Variants in OXSR1 observed in about 807,000 individuals in gnomAD.
The protein encoded by OXSR1 is serine/threonine-protein kinase OSR1.
Under a neutral mutation model 79.8 loss-of-function variants are expected in OXSR1, and 24 were observed. That is an observed-to-expected ratio of 0.30 (90% CI 0.22 to 0.42). The LOEUF is 0.42. Among genes scored for constraint, OXSR1 ranks in the 10% least tolerant of loss-of-function variants. The pLI is 1.00. For synonymous variants in OXSR1, 226 were observed against 209.2 expected, an observed-to-expected ratio of 1.08 and a Z score of -0.69; for missense variants, 430 against 618.4, an observed-to-expected ratio of 0.70 and a Z score of 3.23.
chr3:38,219,176 C>T (rs1422221689), intron 5 of OXSR1, among the ~76,000 whole-genome samples: 4 of 152,056 alleles, frequency 2.6e-5, no homozygotes, highest in African/African-American at 9.7e-5. Flanking sequence ...GGTATTATCA[C>T]TTACATTCCT....
intron 2 of OXSR1, among the ~76,000 whole-genome samples, chr3:38,186,245 T>A (rs767427009): frequency 6.6e-6 from 1 of 152,206 alleles, no homozygotes; most frequent in Non-Finnish European, 1.5e-5. Flanking sequence ...TTGAAGATTT[T>A]TTTTTTAAAG....
intron 3 of OXSR1, chr3:38,193,561 C>T (rs765807944): frequency 2.4e-6 from 1 of 421,772 alleles, no homozygotes; most frequent in South Asian, 2.0e-5. Flanking sequence ...TTAATTCTCT[C>T]GTCCATATCT....
At position 38,254,125 on chromosome 3, in the gene OXSR1, A is replaced by G. The variant is rs1377727140; in HGVS notation, c.*1234A>G. The G allele has an allele frequency of 5.0e-6, 2 of 398,526 alleles. No individual in the cohort carries two copies. The highest frequency in any genetic ancestry group is 3.6e-5 in the East Asian group (1 of 28,082). 24.7% of individuals were successfully genotyped at this position (398,526 alleles called of 1,614,324 possible). A position where few individuals can be genotyped will look rare whatever the true frequency, so the allele number is the denominator to read the frequency against. On this transcript the variant is annotated 3_prime_UTR_variant, in exon 18 of 18. Transcript: ENST00000311806. Reference sequence around the variant, plus strand: ...TCTTTGTCTAACTGCTAGTAACCCTACCGAGTTTTATATATGAGTGGGATA... The same window carrying G: ...TCTTTGTCTAACTGCTAGTAACCCTGCCGAGTTTTATATATGAGTGGGATA...
intron 10 of OXSR1, among the ~76,000 whole-genome samples, chr3:38,230,901 C>T (rs1255755924): frequency 6.6e-6 from 1 of 152,178 alleles, no homozygotes; most frequent in Non-Finnish European, 1.5e-5. Context: ...ATATATTAAT[C>T]TTCCTGTCCA....
intron 8 of OXSR1, among the ~76,000 whole-genome samples, chr3:38,227,057 CT>C (rs1315121908): frequency 1.3e-5 from 2 of 152,154 alleles, no homozygotes; most frequent in Non-Finnish European, 2.9e-5. Flanking sequence ...TATTATAAAA[CT>C]TTAAGAAAAC....
chr3:38,228,736 A>G (rs1246616954), intron 8 of OXSR1, among the ~76,000 whole-genome samples: 2 of 152,124 alleles, frequency 1.3e-5, no homozygotes, highest in South Asian at 4.2e-4. Flanking sequence ...ATGCCCTGCT[A>G]ATTTTTGTGG....
In OXSR1 at chr3:38,230,351, C is replaced by A; in HGVS notation, c.886-14C>A. ...AAAACTTGTAAGAACAAAATACTTA[C>A]TTTTCCTCTCCAGAATAAAGAATTT... On this transcript the variant is annotated splice_polypyrimidine_tract_variant and intron_variant, in intron 9 of 17. Coordinates refer to ENST00000311806, the MANE Select transcript of OXSR1 (RefSeq NM_005109.3). 1 of 1,550,700 alleles carries A rather than the reference C, an allele frequency of 6.4e-7. No homozygotes were observed.
At position 38,253,020 on chromosome 3, in the gene OXSR1, T is replaced by C; in HGVS notation, c.*129T>C. 1.5e-6 allele frequency: 1 copy of C among 671,300 alleles called. No individual in the cohort carries two copies. Among genetic ancestry groups the C allele is most frequent in the Middle Eastern group, 2.6e-4 (1 of 3,802 alleles). 41.6% of individuals were successfully genotyped at this position (671,300 alleles called of 1,614,324 possible). A position where few individuals can be genotyped will look rare whatever the true frequency, so the allele number is the denominator to read the frequency against. The stretch of plus-strand genomic sequence containing the variant: ...CTCCCGGCTAGGAGCTTTAGAAGTC[T>C]TTATGTTCTTCCTGCCATCATTCCT... On this transcript the variant is annotated 3_prime_UTR_variant, in exon 18 of 18. Coordinates refer to ENST00000311806, the MANE Select transcript of OXSR1 (RefSeq NM_005109.3).
At chr3:38,191,293 TG>T (rs1318173098) in intron 3 of OXSR1, among the ~76,000 whole-genome samples, 3 of 152,068 alleles carry the variant, frequency 2.0e-5, no homozygotes, top group Non-Finnish European at 4.4e-5. Flanking sequence ...TCTTAACTCC[TG>T]TCTTCAAGCG....
intron 3 of OXSR1, among the ~76,000 whole-genome samples, chr3:38,197,612 G>A (rs563192958): frequency 6.6e-6 from 1 of 152,186 alleles, no homozygotes; most frequent in Non-Finnish European, 1.5e-5. Flanking sequence ...TATCTTTCCT[G>A]TTCTCTTTTT....
intron 3 of OXSR1, among the ~76,000 whole-genome samples, chr3:38,194,501 A>G (rs1262726048): frequency 6.6e-6 from 1 of 152,150 alleles, no homozygotes; most frequent in African/African-American, 2.4e-5. Context: ...TCTTGCCACT[A>G]CAGTCTAGCC....
intron 10 of OXSR1, among the ~76,000 whole-genome samples, chr3:38,235,605 A>G (rs1257973357): frequency 6.6e-6 from 1 of 152,210 alleles, no homozygotes; most frequent in Non-Finnish European, 1.5e-5. Flanking sequence ...CATTACCATG[A>G]TAAGTCAGAA....
At chr3:38,236,553 C>A in intron 10 of OXSR1, 3 of 194,946 alleles carry the variant, frequency 1.5e-5, no homozygotes, top group East Asian at 1.1e-4. Flanking sequence ...CCTTAAATGT[C>A]TCAGGACATT....
chr3:38,225,250 C>A (rs932551845), intron 8 of OXSR1, among the ~76,000 whole-genome samples: 1 of 152,112 alleles, frequency 6.6e-6, no homozygotes, highest in Non-Finnish European at 1.5e-5. Context: ...TGTTGGGGAT[C>A]ATTGAGTACA....
chr3:38,241,579 T>G (rs1242668399), intron 11 of OXSR1, among the ~76,000 whole-genome samples: 3 of 151,960 alleles, frequency 2.0e-5, no homozygotes, highest in Non-Finnish European at 4.4e-5. Flanking sequence ...TATATGCAAC[T>G]TATTCTCAAA....
At chr3:38,190,476 T>G (rs1027691713) in intron 2 of OXSR1, among the ~76,000 whole-genome samples, 1 of 152,144 alleles carries the variant, frequency 6.6e-6, no homozygotes, top group African/African-American at 2.4e-5. Flanking sequence ...CCTGGAGTGT[T>G]GTGCCAGGGT....
intron 5 of OXSR1, among the ~76,000 whole-genome samples, 180 bp from the exon 6 acceptor site, chr3:38,221,398 G>T (rs1261283694): frequency 6.6e-6 from 1 of 152,122 alleles, no homozygotes; most frequent in Non-Finnish European, 1.5e-5. Context: ...GGGATTATAG[G>T]TGTGAGCCAC....
chr3:38,245,280 T>C (rs1703117093), intron 12 of OXSR1, among the ~76,000 whole-genome samples: 1 of 152,198 alleles, frequency 6.6e-6, no homozygotes, highest in South Asian at 2.1e-4. Flanking sequence ...CTGCATAATT[T>C]TGAATATGTT....
At position 38,248,338 on chromosome 3, in the gene OXSR1, G is replaced by GC. The variant is rs34969862; in HGVS notation, c.1322+614dup. 7.3e-3 allele frequency among the ~76,000 whole-genome samples: 509 copies of GC among 69,674 alleles called. 3 individuals carry two copies. Among genetic ancestry groups the GC allele is most frequent in the African/African-American group, 0.019 (357 of 18,460 alleles). 45.7% of individuals were successfully genotyped at this position (69,674 alleles called of 152,430 possible). ...TCTGTTCATTTTAACTCCCTGCCCC[G>GC]CCCCCCCCGCCCCTAGCACTAGTAG... On this transcript the variant is annotated intron_variant, in intron 14 of 17. Transcript: ENST00000311806.
Sources: allele counts gnomAD v4.1 joint callset (sites outside exome capture counted in the v4.1 genomes callset), GRCh38; gene constraint gnomAD v4.1.1; transcripts MANE v1.5; gene names NCBI Gene and HGNC (gene_info 2026-07-23, HGNC 2026-07-21).